The following NFIC variants were observed in gnomAD, a reference collection of about 807,000 sequenced individuals.
The protein encoded by NFIC is nuclear factor I C.
A neutral mutation model predicts 54.4 loss-of-function variants in NFIC; 12 were observed. The ratio of observed to expected loss-of-function variants is 0.22; its 90% CI spans 0.14 to 0.36. The LOEUF is 0.36. NFIC is among the 10% of genes least tolerant of loss of function. The pLI is 1.00. For missense variants in NFIC, 575 were observed against 718.2 expected (o/e 0.80, Z 2.28); for synonymous variants, 322 against 319.2 (o/e 1.01, Z -0.09).
At chr19:3,455,630 A>T (rs1385905703) in intron 9 of NFIC, among the ~76,000 whole-genome samples, 1 of 150,982 alleles carries the variant, frequency 6.6e-6, no homozygotes, top group Non-Finnish European at 1.5e-5. Context: ...GCTCGATGAG[A>T]TTATGCCCAG....
Position 3,435,229 on chromosome 19 carries a change from G to T in NFIC, c.958+22G>T, listed in dbSNP as rs752753003. On this transcript the variant is annotated intron_variant, in intron 6 of 10. Transcript: ENST00000443272. ...GGAGGTAGGGCTGGTGGCGGGGGCG[G>T]AGCCGGCCTTCCGGTCTGAGTCACC... is the stretch of plus-strand genomic sequence containing the variant. The T allele has an allele frequency of 1.2e-5, 18 of 1,553,248 alleles. No homozygotes were observed. The African/African-American group carries it at 2.2e-4, about 19-fold the overall frequency.
chr19:3,373,102 C>T (rs559112612), intron 1 of NFIC, among the ~76,000 whole-genome samples: 90 of 152,308 alleles, frequency 5.9e-4, no homozygotes, highest in Non-Finnish European at 2.1e-4. Context: ...GCCTCGGCCT[C>T]CCAAAGTGCT....
In NFIC at chr19:3,434,401, G is replaced by C; in HGVS notation, c.833+1G>C. 1 of 1,602,546 alleles carries C rather than the reference G, an allele frequency of 6.2e-7. No individual in the cohort carries two copies. Among genetic ancestry groups the C allele is most frequent in the Non-Finnish European group, 8.5e-7 (1 of 1,174,000 alleles). On this transcript the variant is annotated splice_donor_variant, in intron 5 of 10. Coordinates refer to ENST00000443272, the MANE Select transcript of NFIC (RefSeq NM_001245002.2). LOFTEE classifies it high-confidence loss of function. ...CGCTGCCCAGCACCTCCTCCAGTGGGTAAGTACCCAGGTCCCCACCTCTGG... is the reference window on the plus strand; with the variant it reads ...CGCTGCCCAGCACCTCCTCCAGTGGCTAAGTACCCAGGTCCCCACCTCTGG...
chr19:3,394,587 C>A (rs910877884), intron 2 of NFIC, among the ~76,000 whole-genome samples: 1 of 134,596 alleles, frequency 7.4e-6, no homozygotes, highest in Non-Finnish European at 1.5e-5. Flanking sequence ...CTGGATGTCA[C>A]ACGTGGCCAG....
At position 3,452,683 on chromosome 19, in the gene NFIC, G is replaced by T. The variant is rs1192571959; in HGVS notation, c.1269+17G>T. The T allele has an allele frequency of 3.2e-6, 5 of 1,583,006 alleles. No homozygotes were observed. Among genetic ancestry groups the T allele is most frequent in the Non-Finnish European group, 4.3e-6 (5 of 1,165,588 alleles). On this transcript the variant is annotated intron_variant, in intron 8 of 10. Transcript: ENST00000443272. The surrounding 1 kb of genome is among the most constrained non-coding windows in gnomAD (Gnocchi z 5.3). ...CCTGGACCGGTGAGTTGGGCGGGGC[G>T]CATTCGGGCCTCTCCTGGCGGCTCC...
chr19:3,383,815 G>A (rs11879247), intron 2 of NFIC, among the ~76,000 whole-genome samples: 7,662 of 152,294 alleles, frequency 0.05, 614 homozygotes, highest in African/African-American at 0.17. Flanking sequence ...GCCTGAGAGG[G>A]AGGGGCATTT....
chr19:3,417,624 C>CTTTTTTTTTTTT (rs757954619), intron 2 of NFIC, among the ~76,000 whole-genome samples: 1 of 121,642 alleles, frequency 8.2e-6, no homozygotes, highest in African/African-American at 3.2e-5. Context: ...TTTTTCTTTT[C>CTTTTTTTTTTTT]TTTTTTTTTT....
In NFIC at chr19:3,381,948, C is replaced by T. The variant is rs746186790; in HGVS notation, c.267C>T (p.Arg89=). The stretch of plus-strand genomic sequence containing the variant: ...GCAAGGACATCCGGCCCGAGTGCCG[C>T]GAGGACTTCGTGCTGAGCATCACCG... ...KLRKDIRPEC[R]EDFVLSITGK... is the part of the protein sequence containing the mutation. Residue 89 remains arginine (R), a synonymous_variant, in exon 2 of 11, where the codon CGC becomes CGT. Transcript: ENST00000443272. The T allele has an allele frequency of 6.2e-6, 10 of 1,613,520 alleles. No individual in the cohort carries two copies. The East Asian group carries it at 6.7e-5, about 11-fold the overall frequency.
rs918077149 is a variant in NFIC, at chr19:3,369,984, C to T, written c.30+3318C>T. 1.3e-5 allele frequency among the ~76,000 whole-genome samples: 2 copies of T among 152,214 alleles called. No individual in the cohort carries two copies. The highest frequency in any genetic ancestry group is 4.8e-5 in the African/African-American group (2 of 41,468). The stretch of plus-strand genomic sequence containing the variant: ...AGGCTGGGAGAGGCTGTCCTCCCAC[C>T]CCAGACCCCCGACCTTTGTTGGATT... On this transcript the variant is annotated intron_variant, in intron 1 of 10. Transcript: ENST00000443272. The surrounding 1 kb of genome is among the most constrained non-coding windows in gnomAD (Gnocchi z 4.3).
At chr19:3,440,654 C>G (rs565724447) in intron 6 of NFIC, among the ~76,000 whole-genome samples, 1 of 152,182 alleles carries the variant, frequency 6.6e-6, no homozygotes, top group South Asian at 2.1e-4. Context: ...TGGTCTGGAA[C>G]TCCTGACCTC....
chr19:3,386,092 A>T (rs1364945217), intron 2 of NFIC, among the ~76,000 whole-genome samples: 1 of 151,840 alleles, frequency 6.6e-6, no homozygotes, highest in Non-Finnish European at 1.5e-5. Context: ...CCCATATGGA[A>T]AACCCCAACT....
intron 2 of NFIC, among the ~76,000 whole-genome samples, chr19:3,401,558 G>A (rs1025686370): frequency 3.9e-5 from 6 of 152,136 alleles, no homozygotes; most frequent in Non-Finnish European, 7.4e-5. Flanking sequence ...GGAAGGGAGC[G>A]GCGCAGCACT....
At chr19:3,419,348 C>A (rs10404586) in intron 2 of NFIC, among the ~76,000 whole-genome samples, 137,774 of 152,168 alleles carry the variant, frequency 0.91, 62,457 homozygotes, top group Non-Finnish European at 0.93. Context: ...GTGGTGCTCA[C>A]CCATGGTTCC....
chr19:3,445,769 T>C (rs575821019), intron 6 of NFIC, among the ~76,000 whole-genome samples: 22 of 152,214 alleles, frequency 1.4e-4, no homozygotes, highest in African/African-American at 5.3e-4. Context: ...GATGCAGCGA[T>C]GCTGGGAGGA....
chr19:3,386,427 A>G (rs1288280879), intron 2 of NFIC, among the ~76,000 whole-genome samples: 1 of 143,468 alleles, frequency 7.0e-6, no homozygotes, highest in South Asian at 2.2e-4. Context: ...GGTTCAAGCG[A>G]TTCTCATGCC....
At chr19:3,443,465 C>T (rs2082323992) in intron 6 of NFIC, among the ~76,000 whole-genome samples, 1 of 151,852 alleles carries the variant, frequency 6.6e-6, no homozygotes, top group Non-Finnish European at 1.5e-5. Flanking sequence ...CCCCTGCTCA[C>T]AACGGAATAA....
chr19:3,468,213 CT>C lies in NFIC; in HGVS notation c.*5445del. On this transcript the variant is annotated 3_prime_UTR_variant, in exon 11 of 11. Coordinates refer to ENST00000443272, the MANE Select transcript of NFIC (RefSeq NM_001245002.2). ...CCACCCCCCCGTCCATGGCAGCCCC[CT>C]CCCCAAGGCTTTGCTCACACCTGAG... 2.0e-5 allele frequency: 3 copies of C among 150,570 alleles called. No individual in the cohort carries two copies. Among genetic ancestry groups the C allele is most frequent in the South Asian group, 4.2e-4 (2 of 4,718 alleles). The allele number at this position is 150,570 out of a possible 1,614,324, so 9.3% of individuals were successfully genotyped here. A position where few individuals can be genotyped will look rare whatever the true frequency, so the allele number is the denominator to read the frequency against.
intron 6 of NFIC, among the ~76,000 whole-genome samples, chr19:3,445,148 C>T (rs369601585): frequency 6.6e-6 from 1 of 151,250 alleles, no homozygotes; most frequent in South Asian, 2.1e-4. Flanking sequence ...CAGCTGTGCA[C>T]ATGCGTGCAG....
At chr19:3,403,487 G>C (rs192017108) in intron 2 of NFIC, among the ~76,000 whole-genome samples, 1 of 152,328 alleles carries the variant, frequency 6.6e-6, no homozygotes, top group Admixed American at 6.5e-5. Context: ...GCAGGGCGGA[G>C]ATGTGTCTAC....
Sources: allele counts gnomAD v4.1 joint callset (sites outside exome capture counted in the v4.1 genomes callset), GRCh38; gene constraint gnomAD v4.1.1; non-coding constraint Gnocchi (gnomAD v3.1); transcripts MANE v1.5; gene names NCBI Gene and HGNC (gene_info 2026-07-23, HGNC 2026-07-21).